Variants in CLCN4 observed in about 807,000 individuals in gnomAD.
CLCN4 encodes the protein H(+)/Cl(-) exchange transporter 4.
Under a neutral mutation model 41.7 loss-of-function variants are expected in CLCN4, and 1 was observed. The ratio of observed to expected loss-of-function variants is 0.02; its 90% CI spans 0.01 to 0.11. The LOEUF (loss-of-function observed/expected upper bound fraction) is 0.11, where lower values mean the gene tolerates loss of function less well. Among genes scored for constraint, CLCN4 ranks in the 10% least tolerant of loss-of-function variants. The pLI, the probability that CLCN4 is intolerant of heterozygous loss-of-function variation, is 1.00. For missense variants in CLCN4, 287 were observed against 661.0 expected, an observed-to-expected ratio of 0.43 and a Z score of 6.20; for synonymous variants, 277 against 285.8, an observed-to-expected ratio of 0.97 and a Z score of 0.31.
intron 2 of CLCN4, among the ~76,000 whole-genome samples, chrX:10,163,599 T>A (rs1923167654): frequency 9.1e-6 from 1 of 110,214 alleles, no homozygotes; most frequent in Non-Finnish European, 1.9e-5. Flanking sequence ...TAGAGACGAG[T>A]TTCACCATGT....
At chrX:10,171,316 T>C (rs1306871402) in intron 2 of CLCN4, among the ~76,000 whole-genome samples, 1 of 112,598 alleles carries the variant, frequency 8.9e-6, no homozygotes, top group African/African-American at 3.2e-5. Flanking sequence ...GTTTTGCTCA[T>C]TTGTGTAGGA....
At chrX:10,220,969 G>T in intron 12 of CLCN4, 92 bp downstream of exon 12, 5 of 737,430 alleles carry the variant, frequency 6.8e-6, no homozygotes, top group Non-Finnish European at 1.1e-5. Context: ...GGGCCATGGG[G>T]TGGAATAGTC....
At chrX:10,188,523 C>T (rs1923871419) in intron 4 of CLCN4, among the ~76,000 whole-genome samples, 1 of 112,211 alleles carries the variant, frequency 8.9e-6, no homozygotes, top group South Asian at 3.7e-4. Flanking sequence ...GGAGGGGAAA[C>T]ACGTCTTTTT....
At position 10,169,330 on chromosome X, in the gene CLCN4, C is replaced by T. The variant is rs150102463; in HGVS notation, c.-12+10779C>T. 1.4e-3 allele frequency among the ~76,000 whole-genome samples: 161 copies of T among 111,549 alleles called. 1 individual carries two copies. The highest frequency in any genetic ancestry group is 4.9e-3 in the African/African-American group (151 of 30,652). ...TTGTCTTGTTGGGCTGATAAGAAAC[C>T]GTCAGCTTGTGGTGCTTTTAGCCTC... On this transcript the variant is annotated intron_variant, in intron 2 of 12. Coordinates refer to ENST00000380833, the MANE Select transcript of CLCN4 (RefSeq NM_001830.4).
chrX:10,175,770 C>T (rs1923503435), intron 2 of CLCN4, among the ~76,000 whole-genome samples: 1 of 110,983 alleles, frequency 9.0e-6, no homozygotes, highest in East Asian at 2.8e-4. Flanking sequence ...TATTTTTATT[C>T]ATGAGCCGAG....
intron 11 of CLCN4, among the ~76,000 whole-genome samples, chrX:10,219,164 A>G (rs1431067018): frequency 1.8e-5 from 2 of 112,344 alleles, no homozygotes; most frequent in Non-Finnish European, 3.8e-5. Flanking sequence ...AAGTGGATCG[A>G]CCATTTATTA....
At chrX:10,216,897 G>A (rs370514472) in intron 11 of CLCN4, among the ~76,000 whole-genome samples, 315 of 20,801 alleles carry the variant, frequency 0.015, 17 homozygotes, top group African/African-American at 0.046. Flanking sequence ...GTGTGTGTGT[G>A]TATATATATA....
chrX:10,229,753 C>A (rs769466963), intron 12 of CLCN4, among the ~76,000 whole-genome samples: 2 of 111,854 alleles, frequency 1.8e-5, no homozygotes, highest in South Asian at 7.5e-4. Flanking sequence ...CATAGTATTC[C>A]ATAGTGTATA....
intron 2 of CLCN4, among the ~76,000 whole-genome samples, chrX:10,172,455 A>C (rs1449674790): frequency 1.8e-5 from 2 of 111,580 alleles, no homozygotes; most frequent in Non-Finnish European, 3.8e-5. Flanking sequence ...CATCAGATAC[A>C]GTAGTTATTC....
chrX:10,221,425 G>A (rs181895373), intron 12 of CLCN4, among the ~76,000 whole-genome samples: 1 of 111,654 alleles, frequency 9.0e-6, no homozygotes, highest in Admixed American at 9.4e-5. Flanking sequence ...ACTTCGGGAG[G>A]CTGAGGTGGA....
chrX:10,180,627 C>T (rs1469759577), intron 2 of CLCN4, among the ~76,000 whole-genome samples: 12 of 109,359 alleles, frequency 1.1e-4, no homozygotes, highest in Non-Finnish European at 2.1e-4. Context: ...ATTAGCTGGG[C>T]GTGGTGGTGC....
intron 12 of CLCN4, among the ~76,000 whole-genome samples, chrX:10,225,016 A>G (rs1335837392): frequency 8.9e-6 from 1 of 111,874 alleles, no homozygotes; most frequent in African/African-American, 3.3e-5. Flanking sequence ...GGTTGGTTCC[A>G]TGTCTTTGCT....
intron 2 of CLCN4, among the ~76,000 whole-genome samples, chrX:10,180,519 G>A (rs1326221765): frequency 9.0e-6 from 1 of 111,172 alleles, no homozygotes; most frequent in Admixed American, 9.5e-5. Context: ...TGTAATCCCA[G>A]CACTTTGGGA....
chrX:10,180,760 T>TC (rs1923655554), intron 2 of CLCN4, among the ~76,000 whole-genome samples: 1 of 39,220 alleles, frequency 2.5e-5, no homozygotes, highest in African/African-American at 1.1e-4. Flanking sequence ...AGAGTGAAAC[T>TC]CCATCTCAAA....
Position 10,237,570 on chromosome X carries a change from T to A in CLCN4, c.*3986T>A, listed in dbSNP as rs1237978888. ...TTGGTTTTTTTTTATTGTAACACTC[T>A]GTGTAAACGTTGACACCTTATTAAA... On this transcript the variant is annotated 3_prime_UTR_variant, in exon 13 of 13. Transcript: ENST00000380833. 1 of 111,959 alleles carries A rather than the reference T, an allele frequency of 8.9e-6. No homozygotes were observed. Among genetic ancestry groups the A allele is most frequent in the Non-Finnish European group, 1.9e-5 (1 of 53,255 alleles). The allele number at this position is 111,959 out of a possible 1,213,427, so 9.2% of individuals were successfully genotyped here.
At chrX:10,224,401 G>A (rs974769793) in intron 12 of CLCN4, among the ~76,000 whole-genome samples, 2 of 103,704 alleles carry the variant, frequency 1.9e-5, no homozygotes, top group African/African-American at 3.6e-5. Context: ...TTTTTTCAAA[G>A]CAACATTGGT....
chrX:10,194,362 T>C (rs1291073994), intron 4 of CLCN4, among the ~76,000 whole-genome samples: 1 of 112,197 alleles, frequency 8.9e-6, no homozygotes, highest in East Asian at 2.8e-4. Context: ...TTATTTAGTT[T>C]TATAGACCCA....
intron 3 of CLCN4, among the ~76,000 whole-genome samples, chrX:10,186,130 G>C (rs756790216): frequency 7.2e-5 from 8 of 111,226 alleles, no homozygotes; most frequent in Non-Finnish European, 1.5e-4. Flanking sequence ...GGAAGCAAGG[G>C]GGGACTGGCA....
chrX:10,222,302 G>A (rs1335726720), intron 12 of CLCN4, among the ~76,000 whole-genome samples: 1 of 111,903 alleles, frequency 8.9e-6, no homozygotes, highest in African/African-American at 3.3e-5. Flanking sequence ...GAAGGGGTCG[G>A]CTTGGTCAGG....
Sources: allele counts gnomAD v4.1 joint callset (sites outside exome capture counted in the v4.1 genomes callset), GRCh38; gene constraint gnomAD v4.1.1; transcripts MANE v1.5; gene names NCBI Gene and HGNC (gene_info 2026-07-23, HGNC 2026-07-21).